Variants in RBAK observed in about 807,000 individuals in gnomAD.
The protein encoded by RBAK is RB-associated KRAB zinc finger protein.
RBAK carries 39 observed loss-of-function variants against 65.8 expected under a neutral mutation model. The ratio of observed to expected loss-of-function variants is 0.59; its 90% CI spans 0.46 to 0.77. RBAK has a LOEUF of 0.77. Among genes scored for constraint, RBAK ranks in the 30% least tolerant of loss-of-function variants. The pLI is 0.00. For synonymous variants in RBAK, 343 were observed against 289.7 expected (o/e 1.18, Z -1.87); for missense variants, 884 against 855.1 (o/e 1.03, Z -0.42).
Position 5,065,451 on chromosome 7 carries a change from C to T in RBAK, c.1995C>T (p.Tyr665=). The change falls in exon 5 of 5, where the codon TAC becomes TAT. Residue 665 remains tyrosine (Y), a synonymous_variant. Coordinates refer to ENST00000396912, the MANE Select transcript of RBAK (RefSeq NM_021163.4). This position sits in a 1 kb window ranked among gnomAD's most constrained non-coding sequence, Gnocchi z 5.3. ...ECGKVFSQKS[Y]LTVHYRTHSG... ...GGAAAGTCTTTTCTCAGAAGTCATA[C>T]CTCACTGTACACTATAGAACTCATT... 1 of 1,613,684 alleles carries T rather than the reference C, an allele frequency of 6.2e-7. No individual in the cohort carries two copies. Among genetic ancestry groups the T allele is most frequent in the Non-Finnish European group, 8.5e-7 (1 of 1,179,702 alleles).
chr7:5,049,195 A>G (rs58249696), intron 2 of RBAK, among the ~76,000 whole-genome samples: 8,159 of 152,300 alleles, frequency 0.054, 571 homozygotes, highest in African/African-American at 0.16. Flanking sequence ...TTAAGTTACC[A>G]TAACTTATGG....
intron 1 of RBAK, among the ~76,000 whole-genome samples, chr7:5,047,648 G>T (rs559905027): frequency 2.5e-5 from 3 of 119,140 alleles, no homozygotes; most frequent in African/African-American, 9.9e-5. Flanking sequence ...CTCTCACCCA[G>T]TCTGGAGTGC....
In RBAK at chr7:5,048,894, C is replaced by T. The variant is rs1236078427; in HGVS notation, c.15+803C>T. Among the ~76,000 whole-genome samples the T allele has an allele frequency of 6.6e-5, 10 of 152,134 alleles. No individual in the cohort carries two copies. The highest frequency in any genetic ancestry group is 4.1e-4 in the South Asian group (2 of 4,822). ...GGCGCTACACACTTTTAAACAACCACGTCTTGTGATAAGTCACTGAGTGTC... is the reference window on the plus strand; with the variant it reads ...GGCGCTACACACTTTTAAACAACCATGTCTTGTGATAAGTCACTGAGTGTC... On this transcript the variant is annotated intron_variant, in intron 2 of 4. Coordinates refer to ENST00000396912, the MANE Select transcript of RBAK (RefSeq NM_021163.4). The surrounding 1 kb of genome is among the most constrained non-coding windows in gnomAD (Gnocchi z 4.4).
intron 2 of RBAK, among the ~76,000 whole-genome samples, chr7:5,050,774 A>G (rs1055083039): frequency 1.3e-5 from 2 of 151,988 alleles, no homozygotes; most frequent in Non-Finnish European, 2.9e-5. Flanking sequence ...AGGTTTTGCT[A>G]TGTTGCCCAG....
Position 5,064,046 on chromosome 7 carries a change from A to T in RBAK, c.590A>T (p.Lys197Ile), listed in dbSNP as rs912698406. The part of the protein sequence containing the change: ...YSHNEENILQ[K>I]ISILEKPFEY... ...CACAATGAAGAAAATATTCTTCAGA[A>T]AATTAGTATTTTGGAGAAACCCTTT... Residue 197 changes from lysine (K) to isoleucine (I), a missense_variant, in exon 5 of 5, where the codon AAA (lysine) becomes ATA (isoleucine). By Grantham distance (102) the Lys-to-Ile change is moderately radical. Transcript: ENST00000396912. This position sits in a 1 kb window ranked among gnomAD's most constrained non-coding sequence, Gnocchi z 6.3. 9.3e-6 allele frequency: 15 copies of T among 1,613,184 alleles called. No homozygotes were observed. The highest frequency in any genetic ancestry group is 1.3e-5 in the Non-Finnish European group (15 of 1,179,738).
At chr7:5,046,630 T>A (rs1302316921) in intron 1 of RBAK, among the ~76,000 whole-genome samples, 2 of 152,148 alleles carry the variant, frequency 1.3e-5, no homozygotes, top group African/African-American at 4.8e-5. Flanking sequence ...GGACGTCGTC[T>A]CCACTCCCCG....
In RBAK at chr7:5,067,306, G is replaced by A. The variant is rs1184326067; in HGVS notation, c.*1705G>A. On this transcript the variant is annotated 3_prime_UTR_variant, in exon 5 of 5. Transcript: ENST00000396912. ...TTTGCAGATGCCATGAGTAAATTTGGTAAGTTCCCTGCATAAAAGTTATGC... is the reference window on the plus strand; with the variant it reads ...TTTGCAGATGCCATGAGTAAATTTGATAAGTTCCCTGCATAAAAGTTATGC... 1.3e-5 allele frequency: 2 copies of A among 152,098 alleles called. No individual in the cohort carries two copies. Among genetic ancestry groups the A allele is most frequent in the Non-Finnish European group, 2.9e-5 (2 of 67,994 alleles). 9.4% of individuals were successfully genotyped at this position (152,098 alleles called of 1,614,324 possible).
chr7:5,058,276 T>C (rs920489319), intron 4 of RBAK, among the ~76,000 whole-genome samples: 1 of 152,168 alleles, frequency 6.6e-6, no homozygotes, highest in African/African-American at 2.4e-5. Context: ...GGTTTCACCA[T>C]GTTGACCACA....
In RBAK at chr7:5,045,894, GCTTGCT is replaced by G. The variant is rs534918432; in HGVS notation, c.-544_-539del. On this transcript the variant is annotated 5_prime_UTR_variant, in exon 1 of 5. Coordinates refer to ENST00000396912, the MANE Select transcript of RBAK (RefSeq NM_021163.4). Reference sequence around the variant, plus strand: ...GCTTCCTGTGCGTCCTCAGGTCACCGCTTGCTCTAGTTCCCAGGCTTTGGCCTCCAG... The same window carrying G: ...GCTTCCTGTGCGTCCTCAGGTCACCGCTAGTTCCCAGGCTTTGGCCTCCAG... 4.1e-4 allele frequency: 143 copies of G among 347,544 alleles called. 1 individual carries two copies. Among genetic ancestry groups the G allele is most frequent in the African/African-American group, 3.2e-3 (138 of 43,482 alleles). The allele number at this position is 347,544 out of a possible 1,614,324, so 21.5% of individuals were successfully genotyped here.
rs1779178224 is a variant in RBAK, at chr7:5,064,912, GA to G, written c.1458del (p.Glu486AspfsTer21). 2 of 1,613,882 alleles carry G rather than the reference GA, an allele frequency of 1.2e-6. No homozygotes were observed. Among genetic ancestry groups the G allele is most frequent in the Admixed American group, 3.3e-5 (2 of 60,000 alleles). Reference sequence around the variant, plus strand: ...AGTACACACAGAAGAGAAATCCCATGAATGTAGTGAATGTGGAAAGTTCTCT... The same window carrying G: ...AGTACACACAGAAGAGAAATCCCATGATGTAGTGAATGTGGAAAGTTCTCT... ...RKVHTEEKSH[E>X]CSECGKFSQL... On this transcript the variant is annotated frameshift_variant, in exon 5 of 5. Coordinates refer to ENST00000396912, the MANE Select transcript of RBAK (RefSeq NM_021163.4). LOFTEE classifies it high-confidence loss of function. The surrounding 1 kb of genome is among the most constrained non-coding windows in gnomAD (Gnocchi z 6.3).
In RBAK at chr7:5,063,774, T is replaced by C. The variant is rs1009345157; in HGVS notation, c.318T>C (p.Asn106=). The change falls in exon 5 of 5, where the codon AAT becomes AAC. Residue 106 remains asparagine (N), a synonymous_variant. Transcript: ENST00000396912. The part of the protein sequence containing the change: ...DKHSRQAACI[N]SKTLTEEKEN... ...ATTCAAGGCAAGCTGCTTGTATCAA[T>C]AGCAAAACCCTGACTGAAGAGAAAG... 6.2e-7 allele frequency: 1 copy of C among 1,613,896 alleles called. No homozygotes were observed. The highest frequency in any genetic ancestry group is 8.5e-7 in the Non-Finnish European group (1 of 1,179,946).
chr7:5,057,133 AC>A, intron 2 of RBAK, 161 bp from the exon 3 acceptor site: 5 of 634,042 alleles, frequency 7.9e-6, no homozygotes, highest in Non-Finnish European at 1.1e-5. Flanking sequence ...ATGTATTATA[AC>A]CCCAAAGGAT....
At chr7:5,055,783 ACT>A (rs1788215368) in intron 2 of RBAK, among the ~76,000 whole-genome samples, 1 of 140,940 alleles carries the variant, frequency 7.1e-6, no homozygotes, top group Non-Finnish European at 1.6e-5. Context: ...GAAGGTTATT[ACT>A]CTCTCTCGGT....
At position 5,064,741 on chromosome 7, in the gene RBAK, T is replaced by C. The variant is rs1452800852; in HGVS notation, c.1285T>C (p.Tyr429His). 1 of 1,613,984 alleles carries C rather than the reference T, an allele frequency of 6.2e-7. No homozygotes were observed. The highest frequency in any genetic ancestry group is 8.5e-7 in the Non-Finnish European group (1 of 1,179,952). The change falls in exon 5 of 5, where the codon TAT (tyrosine) becomes CAT (histidine). Residue 429 changes from tyrosine (Y) to histidine (H), a missense_variant. By Grantham distance (83) the Tyr-to-His change is moderately conservative. Transcript: ENST00000396912. This position sits in a 1 kb window ranked among gnomAD's most constrained non-coding sequence, Gnocchi z 6.3. The stretch of plus-strand genomic sequence containing the variant: ...GAGAACACACACGGGAGAGAAGCCC[T>C]ATCAGTGTAGCGAGTGTGGGAAATT... ...HQRTHTGEKP[Y>H]QCSECGKFFS...
chr7:5,055,886 T>C (rs1308616960), intron 2 of RBAK, among the ~76,000 whole-genome samples: 2 of 152,176 alleles, frequency 1.3e-5, no homozygotes, highest in Non-Finnish European at 2.9e-5. Context: ...CTGCCTCTGC[T>C]ATCTCTTGGG....
intron 4 of RBAK, among the ~76,000 whole-genome samples, chr7:5,062,337 G>A (rs749614748): frequency 7.2e-5 from 11 of 152,264 alleles, no homozygotes; most frequent in South Asian, 2.1e-4. Flanking sequence ...AAAGCTGGGC[G>A]TCCGGGGGAG....
chr7:5,067,568 TG>T lies in RBAK; in HGVS notation c.*1968del, dbSNP rs1430479777. 2 of 152,228 alleles carry T rather than the reference TG, an allele frequency of 1.3e-5. No individual in the cohort carries two copies. Among genetic ancestry groups the T allele is most frequent in the Non-Finnish European group, 2.9e-5 (2 of 68,022 alleles). The allele number at this position is 152,228 out of a possible 1,614,324, so 9.4% of individuals were successfully genotyped here. A position where few individuals can be genotyped will look rare whatever the true frequency, so the allele number is the denominator to read the frequency against. ...CTTAAAATCCTAGCAAGTTCTTTAA[TG>T]TAAATTAACAAGCTAATTCTAGAAT... On this transcript the variant is annotated 3_prime_UTR_variant, in exon 5 of 5. Coordinates refer to ENST00000396912, the MANE Select transcript of RBAK (RefSeq NM_021163.4).
chr7:5,047,497 G>A (rs934658294), intron 1 of RBAK, among the ~76,000 whole-genome samples: 2 of 151,934 alleles, frequency 1.3e-5, no homozygotes, highest in African/African-American at 2.4e-5. Flanking sequence ...TTTGTAAAAG[G>A]AGTCATGTTA....
Position 5,067,091 on chromosome 7 carries a change from C to A in RBAK, c.*1490C>A, listed in dbSNP as rs573428226. 5.3e-5 allele frequency: 8 copies of A among 152,228 alleles called. No individual in the cohort carries two copies. Among genetic ancestry groups the A allele is most frequent in the African/African-American group, 1.9e-4 (8 of 41,542 alleles). 9.4% of individuals were successfully genotyped at this position (152,228 alleles called of 1,614,324 possible). On this transcript the variant is annotated 3_prime_UTR_variant, in exon 5 of 5. Transcript: ENST00000396912. The stretch of plus-strand genomic sequence containing the variant: ...GACTTAAACTACAACAAACAATATG[C>A]TTAATGATGAAATAGTGAACATTTC...
Sources: gnomAD v4.1 joint callset for allele counts (sites outside exome capture counted in the v4.1 genomes callset) on GRCh38, gnomAD v4.1.1 for gene constraint, Gnocchi (gnomAD v3.1) non-coding constraint, MANE v1.5 for transcripts, NCBI Gene and HGNC (gene_info 2026-07-23, HGNC 2026-07-21) for gene names.